Variants in TFAP2E observed in about 807,000 individuals in gnomAD.
The protein encoded by TFAP2E is transcription factor AP-2-epsilon.
A neutral mutation model predicts 37.9 loss-of-function variants in TFAP2E; 30 were observed. The ratio of observed to expected loss-of-function variants is 0.79; its 90% CI spans 0.59 to 1.07. The LOEUF is 1.07. Ranked by LOEUF, TFAP2E falls within the 50% of genes least tolerant of loss-of-function variation. The pLI is 0.00. For missense variants in TFAP2E, 567 were observed against 637.9 expected (o/e 0.89, Z 1.20); for synonymous variants, 318 against 295.8 (o/e 1.08, Z -0.77).
At chr1:35,575,316 T>C (rs1355614948) in intron 3 of TFAP2E, among the ~76,000 whole-genome samples, 1 of 152,260 alleles carries the variant, frequency 6.6e-6, no homozygotes, top group Admixed American at 6.5e-5. Flanking sequence ...ACCACTTCCC[T>C]GTTTCCCTAA....
Position 35,573,415 on chromosome 1 carries a change from C to G in TFAP2E, c.-163C>G. ...CATGGACCCGCCCGGGAACGGCCAC[C>G]GCTGAGGACCCCACGCCCACTAGGA... On this transcript the variant is annotated 5_prime_UTR_variant, in exon 1 of 7. Transcript: ENST00000373235. This position sits in a 1 kb window ranked among gnomAD's most constrained non-coding sequence, Gnocchi z 5.9. 1.1e-6 allele frequency: 1 copy of G among 934,636 alleles called. No individual in the cohort carries two copies. Among genetic ancestry groups the G allele is most frequent in the Non-Finnish European group, 1.5e-6 (1 of 681,496 alleles). The allele number at this position is 934,636 out of a possible 1,614,324, so 57.9% of individuals were successfully genotyped here.
chr1:35,575,855 C>A (rs1296733424), intron 3 of TFAP2E, among the ~76,000 whole-genome samples: 1 of 152,214 alleles, frequency 6.6e-6, no homozygotes, highest in East Asian at 1.9e-4. Context: ...TGACTCCTGG[C>A]ATTAGTAAAA....
At chr1:35,593,652 C>T (rs932467487) in intron 6 of TFAP2E, among the ~76,000 whole-genome samples, 4 of 152,200 alleles carry the variant, frequency 2.6e-5, no homozygotes, top group Non-Finnish European at 5.9e-5. Flanking sequence ...GGGCTCACCT[C>T]GTTCACTTAT....
intron 2 of TFAP2E, 68 bp downstream of exon 2, chr1:35,574,477 GA>G: frequency 7.4e-7 from 1 of 1,353,586 alleles, no homozygotes; most frequent in Non-Finnish European, 9.5e-7. Flanking sequence ...GCTGGAGGCA[GA>G]AGGTGACAAA....
At position 35,573,738 on chromosome 1, in the gene TFAP2E, C is replaced by A; in HGVS notation, c.27+134C>A. 1 of 1,420,786 alleles carries A rather than the reference C, an allele frequency of 7.0e-7. No homozygotes were observed. The highest frequency in any genetic ancestry group is 9.3e-7 in the Non-Finnish European group (1 of 1,074,558). 88.0% of individuals were successfully genotyped at this position (1,420,786 alleles called of 1,614,324 possible). A position where few individuals can be genotyped will look rare whatever the true frequency, so the allele number is the denominator to read the frequency against. Reference sequence around the variant, plus strand: ...CCGCAGGGACTTCGCCAGCTGAGAACGCGATGCGCAAGTGACCGCTGTCCC... The same window carrying A: ...CCGCAGGGACTTCGCCAGCTGAGAAAGCGATGCGCAAGTGACCGCTGTCCC... On this transcript the variant is annotated intron_variant, in intron 1 of 6. Transcript: ENST00000373235. This position sits in a 1 kb window ranked among gnomAD's most constrained non-coding sequence, Gnocchi z 5.9.
chr1:35,585,839 A>C (rs1322912373), intron 3 of TFAP2E, among the ~76,000 whole-genome samples: 2 of 152,134 alleles, frequency 1.3e-5, no homozygotes, highest in Non-Finnish European at 2.9e-5. Context: ...GCTTGAGTCC[A>C]GGAGTTCAAG....
chr1:35,595,089 A>C lies in TFAP2E; in HGVS notation c.*413A>C, dbSNP rs975791684. ...TGATAAATCAGAGGTGCTACTGAGG[A>C]GTTGGTGCCCCTCATTCCAGAATCT... is the stretch of plus-strand genomic sequence containing the variant. On this transcript the variant is annotated 3_prime_UTR_variant, in exon 7 of 7. Coordinates refer to ENST00000373235, the MANE Select transcript of TFAP2E (RefSeq NM_178548.4). The C allele has an allele frequency of 4.2e-6, 1 of 235,554 alleles. No individual in the cohort carries two copies. Among genetic ancestry groups the C allele is most frequent in the Non-Finnish European group, 8.3e-6 (1 of 120,740 alleles). 14.6% of individuals were successfully genotyped at this position (235,554 alleles called of 1,614,324 possible).
rs1380560252 is a variant in TFAP2E, at chr1:35,588,004, C to G, written c.563-326C>G. On this transcript the variant is annotated intron_variant, in intron 3 of 6. Transcript: ENST00000373235. The surrounding 1 kb of genome is among the most constrained non-coding windows in gnomAD (Gnocchi z 5.1). ...CCTGGCCTGACCCTGCTGCAGGGCC[C>G]CAGGGGTCCTGCCTCCAGCTCACAC... 6.6e-6 allele frequency among the ~76,000 whole-genome samples: 1 copy of G among 152,092 alleles called. No individual in the cohort carries two copies. Among genetic ancestry groups the G allele is most frequent in the East Asian group, 1.9e-4 (1 of 5,170 alleles).
At position 35,573,870 on chromosome 1, in the gene TFAP2E, G is replaced by T. The variant is rs1000198595; in HGVS notation, c.28-57G>T. 17 of 1,414,306 alleles carry T rather than the reference G, an allele frequency of 1.2e-5. No homozygotes were observed. Among genetic ancestry groups the T allele is most frequent in the Non-Finnish European group, 1.6e-5 (17 of 1,093,356 alleles). The allele number at this position is 1,414,306 out of a possible 1,614,324, so 87.6% of individuals were successfully genotyped here. A position where few individuals can be genotyped will look rare whatever the true frequency, so the allele number is the denominator to read the frequency against. ...TCCCGAGCTGAGGAGGATCCTTTCA[G>T]GCTGGGGTCCTTTCAGCTGCCAGTG... On this transcript the variant is annotated intron_variant, in intron 1 of 6. Coordinates refer to ENST00000373235, the MANE Select transcript of TFAP2E (RefSeq NM_178548.4). This position sits in a 1 kb window ranked among gnomAD's most constrained non-coding sequence, Gnocchi z 5.9.
Position 35,590,679 on chromosome 1 carries a change from C to T in TFAP2E, c.950C>T (p.Thr317Met), listed in dbSNP as rs147395899. The change falls in exon 6 of 7, where the codon ACG (threonine) becomes ATG (methionine). Residue 317 changes from threonine to methionine, a missense_variant. Thr to Met is a moderately conservative substitution (Grantham distance 81). Coordinates refer to ENST00000373235, the MANE Select transcript of TFAP2E (RefSeq NM_178548.4). This position sits in a 1 kb window ranked among gnomAD's most constrained non-coding sequence, Gnocchi z 6.2. ...CGAGACTTCGGTTACGTCTGTGAGA[C>T]GGAGTTCCCAGCCAAGGCAGCTGCC... is the stretch of plus-strand genomic sequence containing the variant. ...LARDFGYVCETEFPAKAAAEY... is the reference protein window; with the variant it reads ...LARDFGYVCEMEFPAKAAAEY... The T allele has an allele frequency of 3.9e-4, 604 of 1,556,296 alleles. 1 individual carries two copies. Among genetic ancestry groups the T allele is most frequent in the Middle Eastern group, 5.6e-4 (3 of 5,320 alleles).
At chr1:35,585,844 T>C (rs992989570) in intron 3 of TFAP2E, among the ~76,000 whole-genome samples, 2 of 151,754 alleles carry the variant, frequency 1.3e-5, no homozygotes, top group Non-Finnish European at 2.9e-5. Flanking sequence ...AGTCCAGGAG[T>C]TCAAGACCAG....
intron 3 of TFAP2E, among the ~76,000 whole-genome samples, chr1:35,582,508 CTT>C (rs749452012): frequency 1.5e-5 from 2 of 129,750 alleles, no homozygotes; most frequent in African/African-American, 2.8e-5. Flanking sequence ...TAAAAATTAT[CTT>C]TTTTTTTTTT....
intron 3 of TFAP2E, among the ~76,000 whole-genome samples, chr1:35,586,313 C>T (rs114753936): frequency 0.015 from 2,288 of 152,314 alleles, 53 homozygotes; most frequent in African/African-American, 0.052. Context: ...GAACTTTCAG[C>T]ACCTGGCACT....
At chr1:35,594,365 C>T (rs2148555836) in intron 6 of TFAP2E, 29 bp from the exon 7 acceptor site, 1 of 1,602,818 alleles carries the variant, frequency 6.2e-7, no homozygotes, top group South Asian at 1.1e-5. Context: ...CTTTTGTCCT[C>T]CAACCTCTGA....
chr1:35,575,144 A>T, intron 3 of TFAP2E, 144 bp downstream of exon 3: 1 of 1,095,886 alleles, frequency 9.1e-7, no homozygotes. Flanking sequence ...GCCAGATGTT[A>T]GGCAGACGTG....
rs1306287710 is a variant in TFAP2E at position 35,588,002 on chromosome 1, C to T, written c.563-328C>T. Among the ~76,000 whole-genome samples the T allele has an allele frequency of 6.6e-6, 1 of 152,126 alleles. No individual in the cohort carries two copies. The highest frequency in any genetic ancestry group is 1.5e-5 in the Non-Finnish European group (1 of 68,006). On this transcript the variant is annotated intron_variant, in intron 3 of 6. Transcript: ENST00000373235. The surrounding 1 kb of genome is among the most constrained non-coding windows in gnomAD (Gnocchi z 5.1). ...GCCCTGGCCTGACCCTGCTGCAGGGCCCCAGGGGTCCTGCCTCCAGCTCAC... is the reference window on the plus strand; with the variant it reads ...GCCCTGGCCTGACCCTGCTGCAGGGTCCCAGGGGTCCTGCCTCCAGCTCAC...
rs751634606 is a variant in TFAP2E, at chr1:35,588,478, G to A, written c.711G>A (p.Thr237=). 8.5e-5 allele frequency: 137 copies of A among 1,609,012 alleles called. No homozygotes were observed. The highest frequency in any genetic ancestry group is 1.0e-4 in the Non-Finnish European group (122 of 1,179,066). ...LLSSTSKYKV[T]VGEVQRRLSP... is the part of the protein sequence containing the mutation. The stretch of plus-strand genomic sequence containing the variant: ...GCTCAACGTCCAAGTACAAGGTGAC[G>A]GTGGGGGAGGTGCAGCGGCGACTCT... Residue 237 remains threonine, a synonymous_variant, in exon 4 of 7, where the codon ACG becomes ACA. Transcript: ENST00000373235. The surrounding 1 kb of genome is among the most constrained non-coding windows in gnomAD (Gnocchi z 5.1).
At position 35,595,057 on chromosome 1, in the gene TFAP2E, G is replaced by A. The variant is rs1232710147; in HGVS notation, c.*381G>A. 1.1e-5 allele frequency: 3 copies of A among 266,298 alleles called. No homozygotes were observed. The highest frequency in any genetic ancestry group is 2.2e-5 in the Non-Finnish European group (3 of 138,610). The allele number at this position is 266,298 out of a possible 1,614,324, so 16.5% of individuals were successfully genotyped here. ...TTTGTGTTTTTCACTGGTGGCAGGA[G>A]GAAAATTGATAAATCAGAGGTGCTA... On this transcript the variant is annotated 3_prime_UTR_variant, in exon 7 of 7. Coordinates refer to ENST00000373235, the MANE Select transcript of TFAP2E (RefSeq NM_178548.4).
chr1:35,587,426 T>C (rs901091239), intron 3 of TFAP2E, among the ~76,000 whole-genome samples: 1 of 151,452 alleles, frequency 6.6e-6, no homozygotes, highest in African/African-American at 2.4e-5. Flanking sequence ...GATCATGAGG[T>C]CAGGAGTTTG....
Sources: allele counts gnomAD v4.1 joint callset (sites outside exome capture counted in the v4.1 genomes callset), GRCh38; gene constraint gnomAD v4.1.1; non-coding constraint Gnocchi (gnomAD v3.1); transcripts MANE v1.5; gene names NCBI Gene and HGNC (gene_info 2026-07-23, HGNC 2026-07-21).